Variants in MAF observed in about 807,000 individuals in gnomAD.
MAF encodes the protein transcription factor Maf.
In MAF, 10 loss-of-function variants were observed where a neutral mutation model predicts 22.0. The ratio of observed to expected loss-of-function variants is 0.45; its 90% CI spans 0.28 to 0.77. MAF has a LOEUF of 0.77. MAF is among the 30% of genes least tolerant of loss of function. The pLI is 0.12. For missense variants in MAF, 544 were observed against 548.4 expected (o/e 0.99, Z 0.08); for synonymous variants, 337 against 255.8 (o/e 1.32, Z -3.03).
chr16:79,437,133 GCTCTCT>G, the MAF span, among the ~76,000 whole-genome samples: 562 of 98,332 alleles, frequency 5.7e-3, 1 homozygote, highest in African/African-American at 0.016. Flanking sequence ...ATGGGAGAAA[GCTCTCT>G]CTCTCTCTGT....
At chr16:79,268,600 A>G in the MAF span, among the ~76,000 whole-genome samples, 1 of 152,238 alleles carries the variant, frequency 6.6e-6, no homozygotes, top group Non-Finnish European at 1.5e-5. Flanking sequence ...AGAGTTGTTT[A>G]AAAATTAAGG....
the MAF span, among the ~76,000 whole-genome samples, chr16:79,303,766 C>T: frequency 6.6e-6 from 1 of 152,096 alleles, no homozygotes; most frequent in Non-Finnish European, 1.5e-5. Flanking sequence ...TCTGCTGCCA[C>T]AAGCCAATGT....
chr16:79,596,794 A>G (rs1334511302), intron 1 of MAF: 1 of 1,048,038 alleles, frequency 9.5e-7, no homozygotes, highest in East Asian at 5.6e-5. Flanking sequence ...ACCACAATAC[A>G]ACTGTAAAAA....
At chr16:79,586,829 A>T (rs1912872018) in intron 1 of MAF, among the ~76,000 whole-genome samples, 1 of 152,230 alleles carries the variant, frequency 6.6e-6, no homozygotes, top group Non-Finnish European at 1.5e-5. Flanking sequence ...TTTAAAATCT[A>T]ATTTAAAAAA....
the MAF span, among the ~76,000 whole-genome samples, chr16:79,365,954 C>T: frequency 6.6e-6 from 1 of 152,212 alleles, no homozygotes; most frequent in African/African-American, 2.4e-5. Flanking sequence ...TCGCCAATTG[C>T]GGTCTGATCT....
the MAF span, among the ~76,000 whole-genome samples, chr16:79,307,215 C>G: frequency 6.6e-6 from 1 of 152,212 alleles, no homozygotes; most frequent in South Asian, 2.1e-4. Context: ...GTGGCTCTGA[C>G]CTCACACGAG....
chr16:79,283,360 C>G, the MAF span, among the ~76,000 whole-genome samples: 2 of 152,180 alleles, frequency 1.3e-5, no homozygotes, highest in African/African-American at 4.8e-5. Context: ...ACACTTTGGG[C>G]TAGAATTTGC....
Position 79,600,653 on chromosome 16 carries a change from G to A in MAF, c.-751C>T. ...GGGGAAAGACGAGGCAGAGAGCAAA[G>A]GGGGGAGGGGGAGGCCAAGCCGACA... On this transcript the variant is annotated 5_prime_UTR_variant, in exon 1 of 2. Transcript: ENST00000326043. 5.1e-6 allele frequency: 1 copy of A among 196,374 alleles called. No homozygotes were observed. Among genetic ancestry groups the A allele is most frequent in the Non-Finnish European group, 1.2e-5 (1 of 85,292 alleles). The allele number at this position is 196,374 out of a possible 1,614,324, so 12.2% of individuals were successfully genotyped here.
chr16:79,475,484 T>C, the MAF span, among the ~76,000 whole-genome samples: 1 of 152,092 alleles, frequency 6.6e-6, no homozygotes, highest in African/African-American at 2.4e-5. Context: ...GTACACTTTA[T>C]ATATTTTCAA....
the MAF span, among the ~76,000 whole-genome samples, chr16:79,225,431 C>A: frequency 2.0e-5 from 3 of 152,130 alleles, no homozygotes; most frequent in Admixed American, 6.6e-5. Context: ...CTAGGCAACA[C>A]CATCCAGGTC....
the MAF span, among the ~76,000 whole-genome samples, chr16:79,364,458 T>C: frequency 1.3e-5 from 2 of 152,062 alleles, no homozygotes; most frequent in African/African-American, 2.4e-5. Context: ...GGCAGTGTCA[T>C]CCACTGGAAC....
chr16:79,466,399 T>C, the MAF span, among the ~76,000 whole-genome samples: 1 of 152,230 alleles, frequency 6.6e-6, no homozygotes, highest in Non-Finnish European at 1.5e-5. Flanking sequence ...TCTTCAGGTT[T>C]CATCTTGGCA....
the MAF span, among the ~76,000 whole-genome samples, chr16:79,576,329 TA>T: frequency 2.6e-5 from 4 of 151,216 alleles, no homozygotes; most frequent in Admixed American, 2.6e-4. Flanking sequence ...GGCGATTGAT[TA>T]AAAAACTGGT....
the MAF span, among the ~76,000 whole-genome samples, chr16:79,491,282 G>C: frequency 6.6e-6 from 1 of 152,124 alleles, no homozygotes; most frequent in Non-Finnish European, 1.5e-5. Flanking sequence ...GCAGTTAGAG[G>C]AACCGAGAGA....
At chr16:79,409,844 A>G in the MAF span, among the ~76,000 whole-genome samples, 1 of 152,188 alleles carries the variant, frequency 6.6e-6, no homozygotes. Context: ...CACTAATCCC[A>G]TAGCCACTAG....
the MAF span, among the ~76,000 whole-genome samples, chr16:79,321,651 T>C: frequency 4.2e-4 from 55 of 130,604 alleles, no homozygotes; most frequent in Admixed American, 1.3e-3. Context: ...TTTTCTTTTT[T>C]TTTTTTTTTT....
chr16:79,232,560 C>G, the MAF span, among the ~76,000 whole-genome samples: 2 of 152,060 alleles, frequency 1.3e-5, no homozygotes, highest in African/African-American at 4.8e-5. Flanking sequence ...CATACTTAAC[C>G]TAATATTAGA....
At chr16:79,444,018 A>G in the MAF span, among the ~76,000 whole-genome samples, 1 of 152,324 alleles carries the variant, frequency 6.6e-6, no homozygotes, top group African/African-American at 2.4e-5. Flanking sequence ...TTATATACGT[A>G]CACACACAAA....
At chr16:79,534,202 TACACCTTTCAATGAAA>T in the MAF span, among the ~76,000 whole-genome samples, 1 of 152,242 alleles carries the variant, frequency 6.6e-6, no homozygotes, top group Non-Finnish European at 1.5e-5. Context: ...AAATTTGGTT[TACACCTTTCAATGAAA>T]ACAGAATCCA....
Sources: gnomAD v4.1 joint callset for allele counts (sites outside exome capture counted in the v4.1 genomes callset) on GRCh38, gnomAD v4.1.1 for gene constraint, MANE v1.5 for transcripts, NCBI Gene and HGNC (gene_info 2026-07-23, HGNC 2026-07-21) for gene names.